Variants in KPNA3 observed in about 807,000 individuals in gnomAD.
The protein encoded by KPNA3 is importin subunit alpha-4.
A neutral mutation model predicts 73.8 loss-of-function variants in KPNA3; 13 were observed. The observed-to-expected ratio is 0.18, with a 90% CI of 0.11 to 0.28. KPNA3 has a LOEUF of 0.28. Among genes scored for constraint, KPNA3 ranks in the 10% least tolerant of loss-of-function variants. The pLI is 1.00. For missense variants in KPNA3, 360 were observed against 618.1 expected (o/e 0.58, Z 4.43); for synonymous variants, 186 against 206.9 (o/e 0.90, Z 0.87).
chr13:49,709,904 T>C (rs1407781874), intron 11 of KPNA3, among the ~76,000 whole-genome samples: 2 of 151,244 alleles, frequency 1.3e-5, no homozygotes, highest in African/African-American at 2.4e-5. Context: ...AAAAAAAAAA[T>C]TGTGTGAAAA....
At chr13:49,762,287 G>C (rs1315493006) in intron 1 of KPNA3, among the ~76,000 whole-genome samples, 4 of 151,784 alleles carry the variant, frequency 2.6e-5, no homozygotes, top group South Asian at 4.1e-4. Context: ...TCCGGGAGGT[G>C]GGGGGTGCCT....
rs373059587 is a variant in KPNA3 at position 49,740,738 on chromosome 13, G to A, written c.114+6211C>T. 2.6e-5 allele frequency among the ~76,000 whole-genome samples: 4 copies of A among 152,078 alleles called. No homozygotes were observed. The East Asian group carries it at 5.8e-4, about 22-fold the overall frequency. On this transcript the variant is annotated intron_variant, in intron 2 of 16. Transcript: ENST00000261667. ...CCAATATACCATGTTCTACAGTAAA[G>A]GTCTTGAACTTATCCCTCCTATCTA...
At chr13:49,718,447 A>G (rs1344164536) in intron 10 of KPNA3, among the ~76,000 whole-genome samples, 2 of 152,178 alleles carry the variant, frequency 1.3e-5, no homozygotes, top group Admixed American at 1.3e-4. Flanking sequence ...TCACATAAAC[A>G]CAACCAACAG....
At chr13:49,734,964 G>T (rs983606394) in intron 2 of KPNA3, among the ~76,000 whole-genome samples, 2 of 151,532 alleles carry the variant, frequency 1.3e-5, no homozygotes, top group African/African-American at 4.8e-5. Flanking sequence ...TAGAGAGAGA[G>T]AGAGAGAGAG....
chr13:49,792,084 G>C (rs1452405066), intron 1 of KPNA3, among the ~76,000 whole-genome samples: 1 of 152,144 alleles, frequency 6.6e-6, no homozygotes, highest in Non-Finnish European at 1.5e-5. Flanking sequence ...CCCCTCGGCT[G>C]TGCGGTCGGA....
Position 49,701,391 on chromosome 13 carries a change from AGTCTT to A in KPNA3, c.*404_*408del, listed in dbSNP as rs1351058544. On this transcript the variant is annotated 3_prime_UTR_variant, in exon 17 of 17. Transcript: ENST00000261667. ...GGCTCAGATCACACTGCACCTCTTT[AGTCTT>A]CCAACTTGTATATGCATCATACCAA... is the stretch of plus-strand genomic sequence containing the variant. The A allele has an allele frequency of 2.4e-6, 1 of 414,950 alleles. No homozygotes were observed. The highest frequency in any genetic ancestry group is 5.0e-6 in the Non-Finnish European group (1 of 198,114). The allele number at this position is 414,950 out of a possible 1,614,324, so 25.7% of individuals were successfully genotyped here.
At chr13:49,768,278 CA>C (rs35217633) in intron 1 of KPNA3, among the ~76,000 whole-genome samples, 25,176 of 94,686 alleles carry the variant, frequency 0.27, 2,134 homozygotes, top group Non-Finnish European at 0.35. Flanking sequence ...GACTCTGTCT[CA>C]AAAAAAAAAA....
intron 1 of KPNA3, among the ~76,000 whole-genome samples, chr13:49,779,056 A>C (rs547819898): frequency 6.6e-6 from 1 of 152,310 alleles, no homozygotes; most frequent in Non-Finnish European, 1.5e-5. Context: ...TCTGTGAAAA[A>C]GGAGTTGGAC....
chr13:49,783,847 A>G (rs1330632155), intron 1 of KPNA3, among the ~76,000 whole-genome samples: 1 of 152,200 alleles, frequency 6.6e-6, no homozygotes, highest in Non-Finnish European at 1.5e-5. Flanking sequence ...GAACCCTACG[A>G]TCATTCTTAT....
intron 1 of KPNA3, among the ~76,000 whole-genome samples, chr13:49,774,634 A>C (rs1020986751): frequency 5.3e-5 from 8 of 152,190 alleles, no homozygotes; most frequent in Non-Finnish European, 7.4e-5. Context: ...AAAACAAAAG[A>C]AAAGCATAGG....
At chr13:49,713,071 G>T (rs955585325) in intron 10 of KPNA3, among the ~76,000 whole-genome samples, 6 of 151,500 alleles carry the variant, frequency 4.0e-5, no homozygotes, top group African/African-American at 1.5e-4. Flanking sequence ...AATTTGGAAA[G>T]GCTAAAAATA....
intron 1 of KPNA3, 28 bp from the exon 2 acceptor site, chr13:49,747,021 TG>T (rs1227667699): frequency 6.5e-7 from 1 of 1,548,764 alleles, no homozygotes; most frequent in East Asian, 2.2e-5. Context: ...AGATTACAGA[TG>T]TATCAAAATA....
chr13:49,713,904 A>G (rs1954283431), intron 10 of KPNA3, among the ~76,000 whole-genome samples: 1 of 152,080 alleles, frequency 6.6e-6, no homozygotes, highest in Non-Finnish European at 1.5e-5. Context: ...GGGTTTCACC[A>G]TGTTGGCCAG....
At chr13:49,735,896 T>A (rs1467614954) in intron 2 of KPNA3, among the ~76,000 whole-genome samples, 2 of 152,204 alleles carry the variant, frequency 1.3e-5, no homozygotes, top group African/African-American at 2.4e-5. Flanking sequence ...CTGTATGTTA[T>A]TAAACTCTAT....
rs748945963 is a variant in KPNA3, at chr13:49,725,404, G to A, written c.469+12C>T. 6.5e-7 allele frequency: 1 copy of A among 1,536,422 alleles called. No individual in the cohort carries two copies. The highest frequency in any genetic ancestry group is 8.9e-7 in the Non-Finnish European group (1 of 1,123,954). Reference sequence around the variant, plus strand: ...AAACACAAAAAGTTCAGACAGTAAGGAATTTACTTACTAGACTGCACAACA... The same window carrying A: ...AAACACAAAAAGTTCAGACAGTAAGAAATTTACTTACTAGACTGCACAACA... On this transcript the variant is annotated intron_variant, in intron 7 of 16. Coordinates refer to ENST00000261667, the MANE Select transcript of KPNA3 (RefSeq NM_002267.4).
Position 49,706,044 on chromosome 13 carries a change from G to A in KPNA3, c.1209+54C>T. 2.1e-6 allele frequency: 3 copies of A among 1,458,182 alleles called. No homozygotes were observed. The South Asian group carries it at 3.6e-5, about 18-fold the overall frequency. The allele number at this position is 1,458,182 out of a possible 1,614,324, so 90.3% of individuals were successfully genotyped here. A position where few individuals can be genotyped will look rare whatever the true frequency, so the allele number is the denominator to read the frequency against. ...GTCAGCAACTACGAAACATAAGAGA[G>A]CAGCATGCTTTCCAGTATTAACAAT... is the stretch of plus-strand genomic sequence containing the variant. On this transcript the variant is annotated intron_variant, in intron 14 of 16. Coordinates refer to ENST00000261667, the MANE Select transcript of KPNA3 (RefSeq NM_002267.4).
chr13:49,764,105 T>G (rs1371378058), intron 1 of KPNA3, among the ~76,000 whole-genome samples: 1 of 151,596 alleles, frequency 6.6e-6, no homozygotes, highest in African/African-American at 2.4e-5. Flanking sequence ...TTTGTCAGTT[T>G]TTAGTCTGTT....
chr13:49,792,629 G>A lies in KPNA3; in HGVS notation c.-123C>T, dbSNP rs536251158. On this transcript the variant is annotated 5_prime_UTR_variant, in exon 1 of 17. Transcript: ENST00000261667. ...GGGAGGGGAGAGAAGAGCACGTTCT[G>A]TGACGCCTCCGAGCGCGAGGTGGCA... The A allele has an allele frequency of 3.6e-4, 190 of 522,530 alleles. No homozygotes were observed. In the African/African-American group the frequency reaches 3.8e-3, roughly 10 times the overall value. 32.4% of individuals were successfully genotyped at this position (522,530 alleles called of 1,614,324 possible).
chr13:49,714,698 C>T (rs1954289249), intron 10 of KPNA3, among the ~76,000 whole-genome samples: 1 of 151,984 alleles, frequency 6.6e-6, no homozygotes, highest in African/African-American at 2.4e-5. Context: ...ACATTAACAC[C>T]TCAACTTTAA....
Sources: allele counts gnomAD v4.1 joint callset (sites outside exome capture counted in the v4.1 genomes callset), GRCh38; gene constraint gnomAD v4.1.1; transcripts MANE v1.5; gene names NCBI Gene and HGNC (gene_info 2026-07-23, HGNC 2026-07-21).